PTPRD: variants seen among roughly 807,000 people sequenced by gnomAD.
The protein encoded by PTPRD is protein tyrosine phosphatase receptor type D, also known as receptor-type tyrosine-protein phosphatase delta.
PTPRD carries 34 observed loss-of-function variants against 214.5 expected under a neutral mutation model. The observed-to-expected ratio is 0.16, with a 90% CI of 0.12 to 0.21. The LOEUF (loss-of-function observed/expected upper bound fraction) is 0.21. Among genes scored for constraint, PTPRD ranks in the 10% least tolerant of loss-of-function variants. The pLI is 1.00. For missense variants in PTPRD, 2,545 were observed against 2,398.7 expected, an observed-to-expected ratio of 1.06 and a Z score of -1.27; for synonymous variants, 1,128 against 845.7, an observed-to-expected ratio of 1.33 and a Z score of -5.79.
At chr9:10,485,165 T>C (rs2099124552) in intron 2 of PTPRD, among the ~76,000 whole-genome samples, 1 of 152,050 alleles carries the variant, frequency 6.6e-6, no homozygotes, top group Non-Finnish European at 1.5e-5. Context: ...TGAAAATGAG[T>C]TCACTGCAGG....
intron 8 of PTPRD, among the ~76,000 whole-genome samples, chr9:9,419,379 T>A (rs182144761): frequency 3.3e-5 from 5 of 151,896 alleles, no homozygotes; most frequent in African/African-American, 1.2e-4. Context: ...TCTAGTCATA[T>A]TTAATAGAAA....
chr9:9,780,680 G>T (rs904780425), intron 5 of PTPRD, among the ~76,000 whole-genome samples: 3 of 152,060 alleles, frequency 2.0e-5, no homozygotes, highest in Non-Finnish European at 4.4e-5. Context: ...CACACACCTA[G>T]GTATTTATCA....
chr9:9,059,689 G>C (rs72694934), intron 10 of PTPRD, among the ~76,000 whole-genome samples: 7,698 of 151,968 alleles, frequency 0.051, 286 homozygotes, highest in Middle Eastern at 0.1. Context: ...ATATAATTTT[G>C]TATATACAAA....
At chr9:9,659,659 C>G (rs914618249) in intron 7 of PTPRD, among the ~76,000 whole-genome samples, 12 of 151,598 alleles carry the variant, frequency 7.9e-5, no homozygotes, top group African/African-American at 2.9e-4. Flanking sequence ...CTTCAGCTGT[C>G]AATGAAAAAA....
intron 12 of PTPRD, among the ~76,000 whole-genome samples, chr9:8,644,617 T>C (rs1275667351): frequency 6.6e-6 from 1 of 152,232 alleles, no homozygotes; most frequent in Non-Finnish European, 1.5e-5. Flanking sequence ...TAGTGGTTCC[T>C]GTTGTTTCCA....
chr9:8,510,030 C>A (rs569305508), intron 21 of PTPRD, among the ~76,000 whole-genome samples: 13 of 152,142 alleles, frequency 8.5e-5, no homozygotes, highest in Admixed American at 7.2e-4. Flanking sequence ...ACATCTGTAA[C>A]CCCAGCACTT....
chr9:9,416,727 G>T (rs1278938673), intron 8 of PTPRD, among the ~76,000 whole-genome samples: 3 of 151,958 alleles, frequency 2.0e-5, no homozygotes. Flanking sequence ...ATCTATTGTT[G>T]TTCTACCCAT....
chr9:8,854,493 G>A (rs1480379578), intron 11 of PTPRD, among the ~76,000 whole-genome samples: 1 of 152,140 alleles, frequency 6.6e-6, no homozygotes. Flanking sequence ...AGTTTGGTCT[G>A]AAGGAAATCT....
At chr9:9,058,369 AT>A (rs2099700192) in intron 10 of PTPRD, among the ~76,000 whole-genome samples, 1 of 151,382 alleles carries the variant, frequency 6.6e-6, no homozygotes, top group Admixed American at 6.6e-5. Flanking sequence ...GACTGGCTAA[AT>A]CCCCTGAAGA....
chr9:8,728,912 G>A (rs574476776), intron 12 of PTPRD, among the ~76,000 whole-genome samples: 1 of 152,232 alleles, frequency 6.6e-6, no homozygotes, highest in East Asian at 1.9e-4. Flanking sequence ...CCCCAGAGGT[G>A]GAGGTTGCAG....
intron 17 of PTPRD, among the ~76,000 whole-genome samples, chr9:8,526,060 T>A (rs763453090): frequency 2.0e-5 from 3 of 152,060 alleles, no homozygotes; most frequent in Non-Finnish European, 2.9e-5. Flanking sequence ...ATTCTTTGAC[T>A]TTTAAGACAT....
chr9:10,248,908 C>G (rs73400332), intron 3 of PTPRD, among the ~76,000 whole-genome samples: 2,292 of 151,592 alleles, frequency 0.015, 56 homozygotes, highest in African/African-American at 0.049. Context: ...TACTAGATTT[C>G]CACTCAAATG....
At chr9:8,694,939 G>T (rs1169587294) in intron 12 of PTPRD, among the ~76,000 whole-genome samples, 2 of 152,188 alleles carry the variant, frequency 1.3e-5, no homozygotes, top group Middle Eastern at 3.4e-3. Context: ...AATATTTTGG[G>T]CTATAGATAA....
chr9:9,038,539 T>C (rs1010074022), intron 10 of PTPRD, among the ~76,000 whole-genome samples: 7 of 146,718 alleles, frequency 4.8e-5, no homozygotes, highest in Non-Finnish European at 1.0e-4. Context: ...ATATGTTCAA[T>C]GTTTGTGATA....
chr9:10,114,954 T>C (rs1261255517), intron 3 of PTPRD, among the ~76,000 whole-genome samples: 1 of 151,578 alleles, frequency 6.6e-6, no homozygotes, highest in Non-Finnish European at 1.5e-5. Flanking sequence ...CACTGTGCCT[T>C]ACCCTGCTTG....
intron 34 of PTPRD, among the ~76,000 whole-genome samples, chr9:8,447,946 C>T (rs943823598): frequency 3.3e-5 from 5 of 152,134 alleles, no homozygotes; most frequent in East Asian, 1.9e-4. Context: ...AATCATGTAG[C>T]AGATCATTTC....
intron 14 of PTPRD, among the ~76,000 whole-genome samples, chr9:8,615,837 G>T (rs1163561152): frequency 6.6e-6 from 1 of 152,004 alleles, no homozygotes; most frequent in Non-Finnish European, 1.5e-5. Context: ...GCATTCTAAA[G>T]AGATTTGTCC....
chr9:9,023,107 T>C (rs1342769111), intron 10 of PTPRD, among the ~76,000 whole-genome samples: 1 of 152,164 alleles, frequency 6.6e-6, no homozygotes, highest in Non-Finnish European at 1.5e-5. Context: ...CATGGGGTTT[T>C]GGTAGGAATA....
intron 11 of PTPRD, among the ~76,000 whole-genome samples, chr9:8,909,764 G>C (rs374252199): frequency 1.1e-3 from 167 of 150,588 alleles, no homozygotes; most frequent in African/African-American, 3.8e-3. Flanking sequence ...GATAGAGATA[G>C]AGACAGAGAT....
Sources: allele counts gnomAD v4.1 joint callset (sites outside exome capture counted in the v4.1 genomes callset), GRCh38; gene constraint gnomAD v4.1.1; transcripts MANE v1.5; gene names NCBI Gene and HGNC (gene_info 2026-07-23, HGNC 2026-07-21).